Variants in KIAA1217 observed in about 807,000 individuals in gnomAD.
KIAA1217 encodes KIAA1217, also known as sickle tail protein homolog.
In KIAA1217, 88 loss-of-function variants were observed where a neutral mutation model predicts 163.9. The observed-to-expected ratio is 0.54, with a 90% CI of 0.45 to 0.64. The LOEUF (loss-of-function observed/expected upper bound fraction) is 0.64, where lower values mean the gene tolerates loss of function less well. Ranked by LOEUF, KIAA1217 falls within the 30% of genes least tolerant of loss-of-function variation. The pLI is 0.00. For missense variants in KIAA1217, 2,372 were observed against 2,475.0 expected, an observed-to-expected ratio of 0.96 and a Z score of 0.88; for synonymous variants, 903 against 923.1, an observed-to-expected ratio of 0.98 and a Z score of 0.39.
chr10:24,117,857 G>A (rs994630313), intron 2 of KIAA1217, among the ~76,000 whole-genome samples: 7 of 151,934 alleles, frequency 4.6e-5, no homozygotes, highest in Admixed American at 3.9e-4. Context: ...ACTTTCATAC[G>A]GAAAAGGGGT....
intron 1 of KIAA1217, among the ~76,000 whole-genome samples, chr10:23,802,467 T>C (rs1359090621): frequency 6.6e-6 from 1 of 152,234 alleles, no homozygotes; most frequent in Non-Finnish European, 1.5e-5. Context: ...ATCTAATCTA[T>C]TGACCTCTCT....
At chr10:23,807,110 T>A (rs1236132272) in intron 1 of KIAA1217, among the ~76,000 whole-genome samples, 1 of 152,262 alleles carries the variant, frequency 6.6e-6, no homozygotes, top group African/African-American at 2.4e-5. Context: ...TTCAGGATAC[T>A]GTCTACACAG....
chr10:23,813,945 C>G (rs1837195033), intron 1 of KIAA1217, among the ~76,000 whole-genome samples: 1 of 152,150 alleles, frequency 6.6e-6, no homozygotes, highest in Non-Finnish European at 1.5e-5. Flanking sequence ...TTACTTAATG[C>G]TGAGCCCGTA....
rs79575702 is a variant in KIAA1217, at chr10:24,287,747, C to T, written c.354+67838C>T. On this transcript the variant is annotated intron_variant, in intron 2 of 20. Coordinates refer to ENST00000376454, the MANE Select transcript of KIAA1217 (RefSeq NM_019590.5). ...AATTTAACTGAATGAGACATCTGAC[C>T]TCTGCTGTCTATCAAATTCATTACC... 9.5e-3 allele frequency among the ~76,000 whole-genome samples: 1,445 copies of T among 152,222 alleles called. 29 individuals carry two copies. The highest frequency in any genetic ancestry group is 0.084 in the East Asian group (436 of 5,170).
chr10:24,163,992 T>A (rs2065233007), intron 2 of KIAA1217, among the ~76,000 whole-genome samples: 1 of 152,216 alleles, frequency 6.6e-6, no homozygotes, highest in African/African-American at 2.4e-5. Flanking sequence ...AGTGAGACCC[T>A]GTCTCTAAAA....
At chr10:23,776,678 A>C (rs1417105139) in intron 1 of KIAA1217, among the ~76,000 whole-genome samples, 2 of 138,644 alleles carry the variant, frequency 1.4e-5, no homozygotes, top group Non-Finnish European at 3.1e-5. Flanking sequence ...GACTGTGGGT[A>C]CTTTTTTTTT....
At chr10:23,871,448 C>T (rs1210049886) in intron 1 of KIAA1217, among the ~76,000 whole-genome samples, 1 of 152,036 alleles carries the variant, frequency 6.6e-6, no homozygotes, top group African/African-American at 2.4e-5. Flanking sequence ...CTATGACCCA[C>T]CACAAGAGGG....
intron 2 of KIAA1217, among the ~76,000 whole-genome samples, chr10:24,012,796 A>T (rs1456030910): frequency 6.6e-6 from 1 of 152,156 alleles, no homozygotes; most frequent in Non-Finnish European, 1.5e-5. Context: ...CAAAAAATGT[A>T]AACTTTGGTT....
intron 1 of KIAA1217, among the ~76,000 whole-genome samples, chr10:23,928,810 T>G (rs1843134319): frequency 6.6e-6 from 1 of 152,200 alleles, no homozygotes; most frequent in Non-Finnish European, 1.5e-5. Flanking sequence ...GTTCCAGATT[T>G]TGTTTTGTTC....
intron 3 of KIAA1217, among the ~76,000 whole-genome samples, chr10:24,407,896 T>G (rs1341614149): frequency 2.0e-5 from 3 of 152,220 alleles, no homozygotes; most frequent in Non-Finnish European, 4.4e-5. Flanking sequence ...AAGAGGTTTC[T>G]GAATTTTTTG....
intron 1 of KIAA1217, among the ~76,000 whole-genome samples, chr10:23,704,212 A>ATATG (rs1279215986): frequency 8.2e-6 from 1 of 122,488 alleles, no homozygotes; most frequent in African/African-American, 3.1e-5. Flanking sequence ...ATATATATAT[A>ATATG]GTGAGCTCAG....
chr10:24,094,177 G>A (rs578187817), intron 2 of KIAA1217, among the ~76,000 whole-genome samples: 3 of 152,052 alleles, frequency 2.0e-5, no homozygotes, highest in African/African-American at 4.8e-5. Flanking sequence ...GTAATGGGAT[G>A]GCTGGGTCAA....
chr10:24,196,659 T>G (rs546812345), intron 2 of KIAA1217, among the ~76,000 whole-genome samples: 1 of 152,210 alleles, frequency 6.6e-6, no homozygotes, highest in Admixed American at 6.5e-5. Context: ...TTTGCGTTCC[T>G]GCTGGTGACA....
intron 2 of KIAA1217, among the ~76,000 whole-genome samples, chr10:24,140,799 G>T (rs374894549): frequency 6.6e-6 from 1 of 152,120 alleles, no homozygotes; most frequent in African/African-American, 2.4e-5. Context: ...TAGTGGTTGC[G>T]AACGTTACCT....
chr10:23,908,702 C>T lies in KIAA1217; in HGVS notation c.-320-98523C>T, dbSNP rs75656604. ...ATATCTCCCTATGCACAATGCAGTA[C>T]CACCTTACTCCTGCAAGAATGGCCT... On this transcript the variant is annotated intron_variant, in intron 1 of 18. Transcript: ENST00000376462. Among the ~76,000 whole-genome samples the T allele has an allele frequency of 1.6e-3, 243 of 152,200 alleles. 1 individual carries two copies. The East Asian group carries it at 0.019, about 12-fold the overall frequency.
At chr10:23,990,977 T>C (rs1846193427) in intron 1 of KIAA1217, among the ~76,000 whole-genome samples, 2 of 152,208 alleles carry the variant, frequency 1.3e-5, no homozygotes, top group Non-Finnish European at 2.9e-5. Context: ...TGAGATAAAG[T>C]GACAATAGAA....
chr10:23,741,668 T>G (rs558710776), intron 1 of KIAA1217, among the ~76,000 whole-genome samples: 1 of 152,296 alleles, frequency 6.6e-6, no homozygotes, highest in African/African-American at 2.4e-5. Context: ...TGCCAGCCAC[T>G]CCCAGGATGG....
intron 1 of KIAA1217, among the ~76,000 whole-genome samples, chr10:23,975,515 A>C (rs574228105): frequency 5.3e-5 from 8 of 152,348 alleles, no homozygotes; most frequent in African/African-American, 1.7e-4. Context: ...ATTAAAATGC[A>C]CAGGCCAATG....
chr10:23,903,474 T>C (rs1842031423), intron 1 of KIAA1217, among the ~76,000 whole-genome samples: 1 of 152,108 alleles, frequency 6.6e-6, no homozygotes, highest in Admixed American at 6.6e-5. Flanking sequence ...GGAAAAACTG[T>C]AGTGTTATGC....
Sources: allele counts gnomAD v4.1 joint callset (sites outside exome capture counted in the v4.1 genomes callset), GRCh38; gene constraint gnomAD v4.1.1; transcripts MANE v1.5; gene names NCBI Gene and HGNC (gene_info 2026-07-23, HGNC 2026-07-21).